Variants in RFX3 observed in about 807,000 individuals in gnomAD.
The protein encoded by RFX3 is regulatory factor X3.
Under a neutral mutation model 98.6 loss-of-function variants are expected in RFX3, and 14 were observed. The ratio of observed to expected loss-of-function variants is 0.14; its 90% CI spans 0.09 to 0.22. RFX3 has a LOEUF of 0.22. RFX3 is among the 10% of genes least tolerant of loss of function. RFX3 has a pLI of 1.00. For synonymous variants in RFX3, 383 were observed against 328.4 expected (o/e 1.17, Z -1.80); for missense variants, 639 against 926.9 (o/e 0.69, Z 4.03).
chr9:3,338,129 A>C (rs1833409803), intron 3 of RFX3, among the ~76,000 whole-genome samples: 1 of 152,216 alleles, frequency 6.6e-6, no homozygotes, highest in Admixed American at 6.5e-5. Context: ...AAGGAATTCA[A>C]GTGACCTGAT....
intron 2 of RFX3, among the ~76,000 whole-genome samples, chr9:3,351,646 G>C (rs1342825297): frequency 6.6e-6 from 1 of 151,924 alleles, no homozygotes; most frequent in African/African-American, 2.4e-5. Flanking sequence ...AAACATGTTA[G>C]AACATAGGTG....
At chr9:3,436,985 TG>T (rs755958902) in intron 1 of RFX3, among the ~76,000 whole-genome samples, 2 of 152,104 alleles carry the variant, frequency 1.3e-5, no homozygotes, top group Non-Finnish European at 2.9e-5. Flanking sequence ...TCCACGTTTT[TG>T]TTAGGAAGTT....
chr9:3,287,338 T>C (rs981447190), intron 7 of RFX3, among the ~76,000 whole-genome samples: 1 of 151,822 alleles, frequency 6.6e-6, no homozygotes, highest in Non-Finnish European at 1.5e-5. Context: ...AAAAGAAAAA[T>C]CATAACTTCT....
chr9:3,281,311 C>T (rs1362639613), intron 7 of RFX3, among the ~76,000 whole-genome samples: 3 of 150,110 alleles, frequency 2.0e-5, no homozygotes, highest in East Asian at 1.9e-4. Context: ...TCAAATCTAC[C>T]ATATCAGGAG....
intron 5 of RFX3, among the ~76,000 whole-genome samples, chr9:3,294,106 T>C (rs992714726): frequency 6.6e-6 from 1 of 152,190 alleles, no homozygotes; most frequent in African/African-American, 2.4e-5. Context: ...TCCAAGTCTA[T>C]ATTATTGAAT....
At chr9:3,496,754 G>A (rs556355622) in intron 1 of RFX3, among the ~76,000 whole-genome samples, 1 of 151,864 alleles carries the variant, frequency 6.6e-6, no homozygotes, top group African/African-American at 2.4e-5. Flanking sequence ...TTTGAACTCT[G>A]GTTTCCCTTA....
At chr9:3,295,439 T>C (rs1827876825) in intron 5 of RFX3, among the ~76,000 whole-genome samples, 1 of 152,032 alleles carries the variant, frequency 6.6e-6, no homozygotes, top group African/African-American at 2.4e-5. Flanking sequence ...GTTGACCACC[T>C]TCTAGTGGCA....
intron 2 of RFX3, among the ~76,000 whole-genome samples, chr9:3,385,650 G>C (rs1839630665): frequency 6.8e-6 from 1 of 147,062 alleles, no homozygotes; most frequent in East Asian, 2.0e-4. Flanking sequence ...AGAGGTTGCA[G>C]TGAGCCAAGA....
intron 1 of RFX3, among the ~76,000 whole-genome samples, chr9:3,396,386 CTGCATAGTAT>C (rs1840878623): frequency 1.3e-5 from 2 of 152,134 alleles, no homozygotes; most frequent in Non-Finnish European, 2.9e-5. Context: ...TTTTTTATGG[CTGCATAGTAT>C]TCCATGGTGT....
intron 2 of RFX3, among the ~76,000 whole-genome samples, chr9:3,394,599 T>A (rs1258713541): frequency 6.6e-6 from 1 of 152,244 alleles, no homozygotes; most frequent in African/African-American, 2.4e-5. Context: ...TAACCTTGCA[T>A]CTATCAATTA....
rs552952483 is a variant in RFX3 at position 3,391,490 on chromosome 9, G to A, written c.117+3982C>T. Among the ~76,000 whole-genome samples the A allele has an allele frequency of 1.2e-4, 18 of 152,182 alleles. No individual in the cohort carries two copies. In the South Asian group the frequency reaches 2.3e-3, roughly 19 times the overall value. On this transcript the variant is annotated intron_variant, in intron 2 of 16. Transcript: ENST00000617270. ...ATGAGTGTTCTCACCTTCTTTGCTC[G>A]GTGTAAAGGAATATAAGGTATCACC...
At chr9:3,356,501 G>C (rs1563978854) in intron 2 of RFX3, among the ~76,000 whole-genome samples, 1 of 151,698 alleles carries the variant, frequency 6.6e-6, no homozygotes, top group Non-Finnish European at 1.5e-5. Flanking sequence ...TTCCCGCAGA[G>C]GAAACTCCAG....
chr9:3,482,040 G>C (rs1235219968), intron 1 of RFX3, among the ~76,000 whole-genome samples: 3 of 151,684 alleles, frequency 2.0e-5, no homozygotes, highest in African/African-American at 7.3e-5. Flanking sequence ...CCACACCTAG[G>C]AATTCATATA....
chr9:3,314,041 GAGA>G (rs1411475312), intron 4 of RFX3, among the ~76,000 whole-genome samples: 3 of 152,092 alleles, frequency 2.0e-5, no homozygotes, highest in Non-Finnish European at 2.9e-5. Flanking sequence ...GATACTCCTC[GAGA>G]AGAACAACTC....
chr9:3,525,588 C>A (rs1021832039), intron 1 of RFX3, among the ~76,000 whole-genome samples, 159 bp downstream of exon 1: 3 of 152,046 alleles, frequency 2.0e-5, no homozygotes, highest in African/African-American at 4.8e-5. Flanking sequence ...GGAACAGAGC[C>A]CCTCGGCGGC....
intron 4 of RFX3, among the ~76,000 whole-genome samples, chr9:3,320,723 C>A (rs1208871354): frequency 7.2e-6 from 1 of 138,170 alleles, no homozygotes; most frequent in East Asian, 2.0e-4. Context: ...TACATACATA[C>A]ACACACATAT....
intron 1 of RFX3, among the ~76,000 whole-genome samples, chr9:3,507,756 C>G (rs141423082): frequency 6.6e-6 from 1 of 151,886 alleles, no homozygotes; most frequent in Non-Finnish European, 1.5e-5. Flanking sequence ...AATGTAAGTG[C>G]TATATAAAGT....
intron 1 of RFX3, among the ~76,000 whole-genome samples, chr9:3,396,088 T>C (rs1408214836): frequency 3.3e-5 from 5 of 151,956 alleles, no homozygotes; most frequent in Non-Finnish European, 5.9e-5. Flanking sequence ...GTGCACAATG[T>C]GCAGGTTAGT....
At chr9:3,454,421 T>A (rs1475050505) in intron 1 of RFX3, among the ~76,000 whole-genome samples, 1 of 152,248 alleles carries the variant, frequency 6.6e-6, no homozygotes, top group Non-Finnish European at 1.5e-5. Context: ...TAGATTTTGC[T>A]ACAAGATTCC....
Sources: allele counts gnomAD v4.1 joint callset (sites outside exome capture counted in the v4.1 genomes callset), GRCh38; gene constraint gnomAD v4.1.1; transcripts MANE v1.5; gene names NCBI Gene and HGNC (gene_info 2026-07-23, HGNC 2026-07-21).